The following GPBP1L1 variants were observed in gnomAD, a reference collection of about 807,000 sequenced individuals.
GPBP1L1 encodes vasculin-like protein 1.
Under a neutral mutation model 52.5 loss-of-function variants are expected in GPBP1L1, and 23 were observed. That is an observed-to-expected ratio of 0.44 (90% CI 0.32 to 0.62). GPBP1L1 has a LOEUF of 0.62. Among genes scored for constraint, GPBP1L1 ranks in the 20% least tolerant of loss-of-function variants. The pLI, the probability that GPBP1L1 is intolerant of heterozygous loss-of-function variation, is 0.06. For missense variants in GPBP1L1, 596 were observed against 579.3 expected (o/e 1.03, Z -0.30); for synonymous variants, 243 against 203.1 (o/e 1.20, Z -1.67).
intron 10 of GPBP1L1, among the ~76,000 whole-genome samples, chr1:45,632,631 G>A (rs1235701104): frequency 1.3e-5 from 2 of 152,140 alleles, no homozygotes; most frequent in Non-Finnish European, 2.9e-5. Flanking sequence ...CAGGAGAATC[G>A]CTTGAACCCG....
intron 4 of GPBP1L1, 81 bp from the exon 5 acceptor site, chr1:45,655,400 C>G: frequency 6.8e-7 from 1 of 1,473,078 alleles, no homozygotes; most frequent in Non-Finnish European, 9.4e-7. Flanking sequence ...TTGCATCAGG[C>G]CTTCAAAAAA....
At chr1:45,633,313 G>T (rs562859386) in intron 10 of GPBP1L1, among the ~76,000 whole-genome samples, 176 bp downstream of exon 10, 32 of 152,172 alleles carry the variant, frequency 2.1e-4, no homozygotes, top group African/African-American at 7.2e-4. Context: ...TAACATTTTT[G>T]CTGAAAAAAG....
intron 4 of GPBP1L1, among the ~76,000 whole-genome samples, chr1:45,656,434 G>A (rs141235773): frequency 2.0e-5 from 3 of 152,158 alleles, no homozygotes; most frequent in East Asian, 1.9e-4. Context: ...TTACCCATTC[G>A]AGTGGGTAAA....
At chr1:45,633,817 A>C in intron 9 of GPBP1L1, 170 bp from the exon 10 acceptor site, 1 of 724,120 alleles carries the variant, frequency 1.4e-6, no homozygotes, top group Non-Finnish European at 2.2e-6. Context: ...GGGTTTATAT[A>C]GTTAAGAGCA....
At chr1:45,635,392 C>G (rs977723751) in intron 8 of GPBP1L1, 1 of 152,122 alleles carries the variant, frequency 6.6e-6, no homozygotes, top group African/African-American at 2.4e-5. Flanking sequence ...GGTTAACTCT[C>G]AAAGATGATT....
intron 7 of GPBP1L1, 36 bp downstream of exon 7, chr1:45,642,383 AAAAATTTT>A: frequency 7.3e-7 from 1 of 1,365,474 alleles, no homozygotes; most frequent in Non-Finnish European, 1.0e-6. Flanking sequence ...CCTGCTAAGA[AAAAATTTT>A]AAAGTTGTGC....
intron 2 of GPBP1L1, among the ~76,000 whole-genome samples, chr1:45,661,831 G>A (rs1004199474): frequency 6.6e-6 from 1 of 151,970 alleles, no homozygotes; most frequent in African/African-American, 2.4e-5. Context: ...GCTATCTAAG[G>A]TATTCAGAAA....
At chr1:45,644,939 T>C (rs959674907) in intron 6 of GPBP1L1, among the ~76,000 whole-genome samples, 1 of 152,236 alleles carries the variant, frequency 6.6e-6, no homozygotes, top group Non-Finnish European at 1.5e-5. Flanking sequence ...ATATGATACA[T>C]GCTTGTTCCT....
At chr1:45,651,173 C>T (rs1048707173) in intron 6 of GPBP1L1, 10 of 482,734 alleles carry the variant, frequency 2.1e-5, no homozygotes, top group Middle Eastern at 6.8e-4. Flanking sequence ...ATAGCTTCCA[C>T]CAGCTTAGAC....
At chr1:45,634,375 G>GATC in intron 8 of GPBP1L1, 139 bp from the exon 9 acceptor site, 2 of 787,742 alleles carry the variant, frequency 2.5e-6, no homozygotes, top group Middle Eastern at 4.0e-4. Context: ...TGTTTGGGAA[G>GATC]TATGCAACCT....
intron 2 of GPBP1L1, among the ~76,000 whole-genome samples, chr1:45,680,412 T>C (rs549077564): frequency 6.6e-6 from 1 of 152,092 alleles, no homozygotes; most frequent in Admixed American, 6.6e-5. Flanking sequence ...CTAATTTTTG[T>C]ATTTTTAGTA....
intron 2 of GPBP1L1, among the ~76,000 whole-genome samples, chr1:45,668,429 G>A (rs1421349836): frequency 3.9e-5 from 6 of 152,264 alleles, no homozygotes; most frequent in Admixed American, 1.3e-4. Flanking sequence ...TGAGGCAGGC[G>A]GATAACTTGA....
chr1:45,649,882 G>C (rs1267761451), intron 6 of GPBP1L1, among the ~76,000 whole-genome samples: 2 of 152,074 alleles, frequency 1.3e-5, no homozygotes, highest in Non-Finnish European at 2.9e-5. Flanking sequence ...TCCCATCATA[G>C]ATTATTTGGC....
chr1:45,644,085 T>C (rs946830173), intron 6 of GPBP1L1, among the ~76,000 whole-genome samples: 1 of 152,220 alleles, frequency 6.6e-6, no homozygotes, highest in African/African-American at 2.4e-5. Context: ...CTAGCAGGTA[T>C]GTATTTTCCA....
At chr1:45,662,050 C>T (rs1187549741) in intron 2 of GPBP1L1, among the ~76,000 whole-genome samples, 1 of 152,142 alleles carries the variant, frequency 6.6e-6, no homozygotes, top group East Asian at 1.9e-4. Flanking sequence ...GCTCTCAATT[C>T]AGAGATTTAA....
intron 4 of GPBP1L1, among the ~76,000 whole-genome samples, chr1:45,656,745 A>T (rs1340386616): frequency 6.6e-6 from 1 of 151,468 alleles, no homozygotes; most frequent in East Asian, 1.9e-4. Flanking sequence ...AGCTCACTGT[A>T]GCCTCAAACT....
At chr1:45,661,476 A>G (rs1445972350) in intron 2 of GPBP1L1, among the ~76,000 whole-genome samples, 1 of 148,278 alleles carries the variant, frequency 6.7e-6, no homozygotes, top group East Asian at 2.0e-4. Flanking sequence ...TTTTTTGGAG[A>G]TGGAGTTTCG....
At chr1:45,658,551 A>C (rs983294073) in intron 4 of GPBP1L1, among the ~76,000 whole-genome samples, 1 of 152,248 alleles carries the variant, frequency 6.6e-6, no homozygotes, top group African/African-American at 2.4e-5. Context: ...TGGACTGCCT[A>C]ATTACTTACA....
intron 6 of GPBP1L1, among the ~76,000 whole-genome samples, chr1:45,644,665 T>G (rs1644718489): frequency 6.6e-6 from 1 of 152,166 alleles, no homozygotes; most frequent in Non-Finnish European, 1.5e-5. Context: ...TAAGCCTCTT[T>G]CTATAAATTG....
Sources: gnomAD v4.1 joint callset for allele counts (sites outside exome capture counted in the v4.1 genomes callset) on GRCh38, gnomAD v4.1.1 for gene constraint, MANE v1.5 for transcripts, NCBI Gene and HGNC (gene_info 2026-07-23, HGNC 2026-07-21) for gene names.